Variants in RUNX2 observed in about 807,000 individuals in gnomAD.
The protein encoded by RUNX2 is RUNX family transcription factor 2, also known as runt-related transcription factor 2.
In RUNX2, 10 loss-of-function variants were observed where a neutral mutation model predicts 51.7. The ratio of observed to expected loss-of-function variants is 0.19; its 90% confidence interval spans 0.12 to 0.33. The LOEUF (loss-of-function observed/expected upper bound fraction) is 0.33. Ranked by LOEUF, RUNX2 falls within the 10% of genes least tolerant of loss-of-function variation. The pLI, the probability that RUNX2 is intolerant of heterozygous loss-of-function variation, is 1.00. For synonymous variants in RUNX2, 276 were observed against 273.6 expected (o/e 1.01, Z -0.09); for missense variants, 562 against 691.3 (o/e 0.81, Z 2.10).
At chr6:45,432,650 C>A (rs771901353) in intron 4 of RUNX2, among the ~76,000 whole-genome samples, 2 of 152,074 alleles carry the variant, frequency 1.3e-5, no homozygotes, top group South Asian at 2.1e-4. Flanking sequence ...GGATTCCCAT[C>A]ATCTGAATCC....
rs746139832 is a variant in RUNX2, at chr6:45,545,263, C to T, written c.1068C>T (p.Leu356=). The change falls in exon 8 of 9, where the codon CTC becomes CTT. Residue 356 remains leucine, a synonymous_variant. Coordinates refer to ENST00000647337, the MANE Select transcript of RUNX2 (RefSeq NM_001024630.4). ...TSDFCLWPST[L]SKKSQAGASE... is the part of the protein sequence containing the mutation. ...ACTTCTGCCTCTGGCCTTCCACTCTCAGTAAGAAGAGCCAGGCAGGTGAGA... is the reference window on the plus strand; with the variant it reads ...ACTTCTGCCTCTGGCCTTCCACTCTTAGTAAGAAGAGCCAGGCAGGTGAGA... 1 of 1,550,390 alleles carries T rather than the reference C, an allele frequency of 6.4e-7. No individual in the cohort carries two copies. Among genetic ancestry groups the T allele is most frequent in the South Asian group, 1.2e-5 (1 of 84,032 alleles).
chr6:45,332,128 T>C (rs1787637128), intron 2 of RUNX2, among the ~76,000 whole-genome samples: 1 of 151,970 alleles, frequency 6.6e-6, no homozygotes. Context: ...TCAAAATTCA[T>C]GTGCTTTCAA....
intron 3 of RUNX2, 115 bp from the exon 4 acceptor site, chr6:45,431,748 G>T (rs751647957): frequency 2.5e-5 from 30 of 1,200,592 alleles, no homozygotes; most frequent in Non-Finnish European, 3.3e-5. Flanking sequence ...GCCATTACTG[G>T]ACTGGACTAG....
chr6:45,536,010 C>T (rs919882393), intron 7 of RUNX2, among the ~76,000 whole-genome samples: 4 of 151,720 alleles, frequency 2.6e-5, no homozygotes, highest in African/African-American at 7.3e-5. Flanking sequence ...CACACCTGAG[C>T]GAAAAAGCCT....
At chr6:45,396,995 T>G (rs1797594127) in intron 2 of RUNX2, among the ~76,000 whole-genome samples, 1 of 152,218 alleles carries the variant, frequency 6.6e-6, no homozygotes, top group Non-Finnish European at 1.5e-5. Flanking sequence ...TTGTCCAAAT[T>G]TTTGTGTAGA....
intron 6 of RUNX2, among the ~76,000 whole-genome samples, chr6:45,511,276 A>C (rs1049766397): frequency 4.6e-5 from 7 of 152,202 alleles, no homozygotes; most frequent in African/African-American, 1.7e-4. Context: ...ATACATCAAA[A>C]AATATTGTTA....
At chr6:45,352,763 A>G (rs7770401) in intron 2 of RUNX2, among the ~76,000 whole-genome samples, 102,108 of 151,824 alleles carry the variant, frequency 0.67, 35,354 homozygotes, top group African/African-American at 0.84. Flanking sequence ...ATGTATTTAC[A>G]AAATAAAGAA....
intron 5 of RUNX2, among the ~76,000 whole-genome samples, chr6:45,475,140 A>G (rs890629804): frequency 5.3e-5 from 8 of 151,748 alleles, no homozygotes; most frequent in Non-Finnish European, 1.2e-4. Flanking sequence ...AAAAAAAAAA[A>G]AGAAGCTTAA....
intron 7 of RUNX2, among the ~76,000 whole-genome samples, chr6:45,527,006 G>A (rs375401226): frequency 2.6e-5 from 4 of 152,130 alleles, no homozygotes; most frequent in Admixed American, 2.0e-4. Context: ...ATATTATCTA[G>A]GGATATGTAC....
At chr6:45,455,970 T>G (rs866787091) in intron 5 of RUNX2, among the ~76,000 whole-genome samples, 24 of 152,180 alleles carry the variant, frequency 1.6e-4, no homozygotes, top group South Asian at 4.1e-4. Context: ...TTGGTGAAAA[T>G]ACGACATTGT....
intron 2 of RUNX2, among the ~76,000 whole-genome samples, chr6:45,398,918 C>T (rs533728184): frequency 6.6e-6 from 1 of 152,262 alleles, no homozygotes; most frequent in Non-Finnish European, 1.5e-5. Flanking sequence ...AAATGAAAAG[C>T]CTATATTTAA....
chr6:45,447,949 C>T (rs1261702138), intron 5 of RUNX2, among the ~76,000 whole-genome samples: 8 of 137,630 alleles, frequency 5.8e-5, no homozygotes, highest in African/African-American at 2.2e-4. Context: ...GCTTTGAGTG[C>T]CTGAGATCCA....
rs976870387 is a variant in RUNX2, at chr6:45,514,260, G to A, written c.1021+1853G>A. On this transcript the variant is annotated intron_variant, in intron 7 of 8. Transcript: ENST00000647337. ...AAAAATGCTGCATAAATGAGTAGTC[G>A]TCATTGTTTATCATGTACATGTGTA... Among the ~76,000 whole-genome samples the A allele has an allele frequency of 7.9e-5, 12 of 152,254 alleles. No individual in the cohort carries two copies. In the East Asian group the frequency reaches 9.6e-4, roughly 12 times the overall value.
At position 45,373,417 on chromosome 6, in the gene RUNX2, C is replaced by T. The variant is rs140719957; in HGVS notation, c.58+44633C>T. ...ATATGTTTGGATAAATGAGATACAA[C>T]GGAAGGAACACATCAAGTGCCCAAG... On this transcript the variant is annotated intron_variant, in intron 2 of 8. Transcript: ENST00000647337. 1.4e-3 allele frequency among the ~76,000 whole-genome samples: 211 copies of T among 152,180 alleles called. 2 individuals carry two copies. The highest frequency in any genetic ancestry group is 5.4e-3 in the South Asian group (26 of 4,818).
intron 5 of RUNX2, among the ~76,000 whole-genome samples, chr6:45,482,428 A>G (rs1009721306): frequency 2.6e-5 from 4 of 152,238 alleles, no homozygotes; most frequent in Admixed American, 6.5e-5. Flanking sequence ...CCTAAAACCT[A>G]AAAGTTATAA....
At chr6:45,443,672 T>A (rs892522392) in intron 5 of RUNX2, among the ~76,000 whole-genome samples, 1 of 152,226 alleles carries the variant, frequency 6.6e-6, no homozygotes, top group East Asian at 1.9e-4. Context: ...TCATTCTGAA[T>A]TGAACAGATT....
At chr6:45,352,786 C>T (rs1222213453) in intron 2 of RUNX2, among the ~76,000 whole-genome samples, 1 of 151,820 alleles carries the variant, frequency 6.6e-6, no homozygotes, top group Non-Finnish European at 1.5e-5. Context: ...CATTAAATAC[C>T]TTTATTCTTT....
chr6:45,492,080 T>A lies in RUNX2; in HGVS notation c.825T>A (p.Ser275Arg). 2 of 1,613,734 alleles carry A rather than the reference T, an allele frequency of 1.2e-6. No individual in the cohort carries two copies. Among genetic ancestry groups the A allele is most frequent in the Non-Finnish European group, 1.7e-6 (2 of 1,179,848 alleles). ...NPRPSLNSAPSPFNPQGQSQI... is the reference protein window; with the variant it reads ...NPRPSLNSAPRPFNPQGQSQI... Reference sequence around the variant, plus strand: ...GGCCCTCCCTGAACTCTGCACCAAGTCCTTTTAATCCACAAGGACAGAGTC... The same window carrying A: ...GGCCCTCCCTGAACTCTGCACCAAGACCTTTTAATCCACAAGGACAGAGTC... Residue 275 changes from serine to arginine, a missense_variant, in exon 6 of 9, where the codon AGT (serine) becomes AGA (arginine). Transcript: ENST00000647337.
At position 45,416,974 on chromosome 6, in the gene RUNX2, T is replaced by A. The variant is rs373201047; in HGVS notation, c.59-5619T>A. On this transcript the variant is annotated intron_variant, in intron 2 of 8. Coordinates refer to ENST00000647337, the MANE Select transcript of RUNX2 (RefSeq NM_001024630.4). ...TCCTCCACTACAAACATTTCATCTC[T>A]TGTTACAGCCATGCAAATTATTATA... Among the ~76,000 whole-genome samples the A allele has an allele frequency of 1.7e-4, 26 of 152,200 alleles. 1 individual carries two copies. The East Asian group carries it at 3.3e-3, about 19-fold the overall frequency.
Sources: allele counts gnomAD v4.1 joint callset (sites outside exome capture counted in the v4.1 genomes callset), GRCh38; gene constraint gnomAD v4.1.1; transcripts MANE v1.5; gene names NCBI Gene and HGNC (gene_info 2026-07-23, HGNC 2026-07-21).